The following TBCK variants were observed in gnomAD, a reference collection of about 807,000 sequenced individuals.
TBCK encodes TBC1 domain containing kinase, also known as TBC domain-containing protein kinase-like protein.
TBCK carries 99 observed loss-of-function variants against 113.4 expected under a neutral mutation model. That is an observed-to-expected ratio of 0.87 (90% CI 0.74 to 1.03). The LOEUF is 1.03. TBCK is among the 50% of genes least tolerant of loss of function. TBCK has a pLI of 0.00. For synonymous variants in TBCK, 369 were observed against 370.8 expected (o/e 1.00, Z 0.05); for missense variants, 1,045 against 1,061.3 (o/e 0.98, Z 0.21).
At chr4:106,049,392 CCTTTT>C (rs1329154884) in intron 25 of TBCK, among the ~76,000 whole-genome samples, 1 of 151,904 alleles carries the variant, frequency 6.6e-6, no homozygotes, top group East Asian at 1.9e-4. Flanking sequence ...TTTCTTCTTT[CCTTTT>C]ATTTCTCTTT....
At chr4:106,197,409 G>GTATATA (rs750387268) in intron 20 of TBCK, among the ~76,000 whole-genome samples, 25 of 77,050 alleles carry the variant, frequency 3.2e-4, no homozygotes, top group South Asian at 1.5e-3. Flanking sequence ...GTGTGTGTGT[G>GTATATA]TGTATATATA....
chr4:106,211,498 T>C (rs990217290), intron 20 of TBCK, among the ~76,000 whole-genome samples: 1 of 152,138 alleles, frequency 6.6e-6, no homozygotes. Flanking sequence ...GCAGAAAACA[T>C]TGTTTTGTAA....
chr4:106,184,433 A>G (rs543616990), intron 22 of TBCK, among the ~76,000 whole-genome samples: 6 of 152,154 alleles, frequency 3.9e-5, no homozygotes, highest in African/African-American at 1.4e-4. Flanking sequence ...GTAATACCCT[A>G]TGTATTAATA....
At position 106,095,615 on chromosome 4, in the gene TBCK, C is replaced by T; in HGVS notation, c.2438G>A (p.Ser813Asn). ...GGCAGCACTGAATGGAATGTTGATGCTTCCTGAAATGTGACCACGAATAAA... is the reference window on the plus strand; with the variant it reads ...GGCAGCACTGAATGGAATGTTGATGTTTCCTGAAATGTGACCACGAATAAA... ...EDFIRGHISG[S>N]INIPFSAAFT... Residue 813 changes from serine (S) to asparagine (N), a missense_variant, in exon 25 of 26, where the codon AGC becomes AAC. Coordinates refer to ENST00000394708, the MANE Select transcript of TBCK (RefSeq NM_001163435.3). 1.2e-6 allele frequency: 2 copies of T among 1,613,594 alleles called. No individual in the cohort carries two copies. The highest frequency in any genetic ancestry group is 1.7e-6 in the Non-Finnish European group (2 of 1,179,786).
intron 3 of TBCK, among the ~76,000 whole-genome samples, chr4:106,271,395 C>T (rs1242903791): frequency 6.6e-6 from 1 of 152,098 alleles, no homozygotes; most frequent in Non-Finnish European, 1.5e-5. Context: ...TTTTCTTGTG[C>T]AATATCTGCA....
chr4:106,116,104 A>T, intron 24 of TBCK, 99 bp downstream of exon 24: 2 of 1,159,732 alleles, frequency 1.7e-6, no homozygotes, highest in Non-Finnish European at 2.4e-6. Context: ...ATTCAGAAGA[A>T]TCCCAGAATT....
Position 106,193,718 on chromosome 4 carries a change from C to T in TBCK, c.1950G>A (p.Gly650=). The T allele has an allele frequency of 6.2e-7, 1 of 1,610,466 alleles. No homozygotes were observed. The highest frequency in any genetic ancestry group is 8.5e-7 in the Non-Finnish European group (1 of 1,178,680). ...CAATACAGAATGGGAAAGAGGAATT[C>T]CCAAGTAGTAAGGTATCCCAGAGGT... is the stretch of plus-strand genomic sequence containing the variant. ...IFHLWDTLLL[G]NSSFPFCIGV... Residue 650 remains glycine, a synonymous_variant, in exon 22 of 26, where the codon GGG becomes GGA. Coordinates refer to ENST00000394708, the MANE Select transcript of TBCK (RefSeq NM_001163435.3).
intron 23 of TBCK, among the ~76,000 whole-genome samples, chr4:106,169,846 C>T (rs1044863448): frequency 3.9e-5 from 6 of 152,216 alleles, no homozygotes; most frequent in African/African-American, 1.4e-4. Context: ...GATCATCAGG[C>T]ATTAGATTCT....
rs554743689 is a variant in TBCK, at chr4:106,272,592, T to TG, written c.267-10381dup. Among the ~76,000 whole-genome samples, 40 of 150,894 alleles carry TG rather than the reference T, an allele frequency of 2.7e-4. No individual in the cohort carries two copies. In the South Asian group the frequency reaches 3.8e-3, roughly 14 times the overall value. ...CTGCAAGCTCCGTCTCCCAGGTTCA[T>TG]GCCATTCTCCTGCCTCAGCCTCTCG... On this transcript the variant is annotated intron_variant, in intron 3 of 25. Transcript: ENST00000394708.
Position 106,043,912 on chromosome 4 carries a change from G to A in TBCK, c.*2658C>T, listed in dbSNP as rs1037242927. The A allele has an allele frequency of 6.6e-6, 1 of 152,132 alleles. No individual in the cohort carries two copies. The highest frequency in any genetic ancestry group is 1.5e-5 in the Non-Finnish European group (1 of 68,030). The allele number at this position is 152,132 out of a possible 1,614,324, so 9.4% of individuals were successfully genotyped here. On this transcript the variant is annotated 3_prime_UTR_variant, in exon 26 of 26. Coordinates refer to ENST00000394708, the MANE Select transcript of TBCK (RefSeq NM_001163435.3). ...ACGTTTAATCTAACAAATAGTTGTT[G>A]AGGTCAACTGTTCGTATCATCCACC...
intron 19 of TBCK, among the ~76,000 whole-genome samples, chr4:106,218,364 C>T (rs1222644597): frequency 1.8e-4 from 27 of 149,338 alleles, no homozygotes; most frequent in African/African-American, 6.6e-4. Context: ...ACAAAATTGA[C>T]AAATGGGATC....
At chr4:106,075,268 A>G (rs72677304) in intron 25 of TBCK, among the ~76,000 whole-genome samples, 17,099 of 152,292 alleles carry the variant, frequency 0.11, 1,252 homozygotes, top group Middle Eastern at 0.17. Context: ...ACATTGCTAT[A>G]AAAATGTTTA....
chr4:106,236,441 C>A lies in TBCK; in HGVS notation c.1299G>T (p.Lys433Asn). 2 of 1,574,248 alleles carry A rather than the reference C, an allele frequency of 1.3e-6. No homozygotes were observed. Among genetic ancestry groups the A allele is most frequent in the South Asian group, 1.2e-5 (1 of 83,380 alleles). ...TTCTATTTAGTTGGTACTCTGTATC[C>A]TTCTCTCTGATGATTAAAGGGAGCG... The part of the protein sequence containing the change: ...AATLPLIIRE[K>N]DTEYQLNRII... Residue 433 changes from lysine to asparagine, a missense_variant, in exon 14 of 26, where the codon AAG (lysine) becomes AAT (asparagine). Coordinates refer to ENST00000394708, the MANE Select transcript of TBCK (RefSeq NM_001163435.3).
At chr4:106,136,049 A>G (rs1746513786) in intron 23 of TBCK, among the ~76,000 whole-genome samples, 1 of 141,720 alleles carries the variant, frequency 7.1e-6, no homozygotes, top group Non-Finnish European at 1.6e-5. Context: ...AAAGGGAGAA[A>G]GACTTGCTAG....
At chr4:106,218,492 G>C (rs1318169231) in intron 19 of TBCK, among the ~76,000 whole-genome samples, 29 of 136,222 alleles carry the variant, frequency 2.1e-4, no homozygotes, top group East Asian at 6.4e-4. Flanking sequence ...CTAATATCCA[G>C]AATCTACAAT....
intron 1 of TBCK, among the ~76,000 whole-genome samples, chr4:106,313,371 C>CA (rs926258070): frequency 7.7e-6 from 1 of 129,800 alleles, no homozygotes; most frequent in Non-Finnish European, 1.6e-5. Flanking sequence ...GACTCCAGCT[C>CA]AAAAAAAAGG....
At chr4:106,313,295 T>C (rs1000232616) in intron 1 of TBCK, among the ~76,000 whole-genome samples, 1 of 151,796 alleles carries the variant, frequency 6.6e-6, no homozygotes, top group Non-Finnish European at 1.5e-5. Flanking sequence ...CCCAGATACT[T>C]GAGAGGCTGA....
rs528448882 is a variant in TBCK at position 106,102,926 on chromosome 4, T to G, written c.2412-7285A>C. Among the ~76,000 whole-genome samples the G allele has an allele frequency of 2.0e-5, 3 of 152,330 alleles. No individual in the cohort carries two copies. In the South Asian group the frequency reaches 6.2e-4, roughly 32 times the overall value. ...CTAGTATTAAATATGTAATCACTTCTTAAACAGATTGTTAAAGTCACATAA... is the reference window on the plus strand; with the variant it reads ...CTAGTATTAAATATGTAATCACTTCGTAAACAGATTGTTAAAGTCACATAA... On this transcript the variant is annotated intron_variant, in intron 24 of 25. Coordinates refer to ENST00000394708, the MANE Select transcript of TBCK (RefSeq NM_001163435.3).
chr4:106,215,321 A>C (rs866504431), intron 19 of TBCK, among the ~76,000 whole-genome samples: 51 of 152,086 alleles, frequency 3.4e-4, no homozygotes, highest in African/African-American at 1.1e-3. Context: ...GGAGCAAAAT[A>C]ACCAGCTAAC....
Sources: gnomAD v4.1 joint callset for allele counts (sites outside exome capture counted in the v4.1 genomes callset) on GRCh38, gnomAD v4.1.1 for gene constraint, MANE v1.5 for transcripts, NCBI Gene and HGNC (gene_info 2026-07-23, HGNC 2026-07-21) for gene names.